SETD2: variants seen among roughly 807,000 people sequenced by gnomAD.
SETD2 encodes SET domain containing 2, histone lysine methyltransferase.
SETD2 carries 31 observed loss-of-function variants against 242.1 expected under a neutral mutation model. That is an observed-to-expected ratio of 0.13 (90% CI 0.10 to 0.17). The LOEUF (loss-of-function observed/expected upper bound fraction) is 0.17. Ranked by LOEUF, SETD2 falls within the 10% of genes least tolerant of loss-of-function variation. The pLI, the probability that SETD2 is intolerant of heterozygous loss-of-function variation, is 1.00. For synonymous variants in SETD2, 1,006 were observed against 1,066.5 expected (o/e 0.94, Z 1.11); for missense variants, 2,481 against 3,046.3 (o/e 0.81, Z 4.37).
rs182501809 is a variant in SETD2 at position 47,060,645 on chromosome 3, T to A, written c.6293+1518A>T. On this transcript the variant is annotated intron_variant, in intron 14 of 20. Transcript: ENST00000409792. Reference sequence around the variant, plus strand: ...AATTAATTGCAAATGGATTAAGGATTTAATTCTCTTAAAATACAAAAAAAA... The same window carrying A: ...AATTAATTGCAAATGGATTAAGGATATAATTCTCTTAAAATACAAAAAAAA... Among the ~76,000 whole-genome samples, 5 of 152,214 alleles carry A rather than the reference T, an allele frequency of 3.3e-5. No homozygotes were observed. In the East Asian group the frequency reaches 9.7e-4, roughly 29 times the overall value.
In SETD2 at chr3:47,070,586, T is replaced by C. The variant is rs144949707; in HGVS notation, c.6061-3468A>G. Among the ~76,000 whole-genome samples, 664 of 152,354 alleles carry C rather than the reference T, an allele frequency of 4.4e-3. 8 individuals carry two copies. Among genetic ancestry groups the C allele is most frequent in the African/African-American group, 0.015 (631 of 41,574 alleles). ...TAAGATCATTCTGTCTTGTGAATAA[T>C]AGTATTAGTCTCAGTGATACTTGAG... On this transcript the variant is annotated intron_variant, in intron 12 of 20. Transcript: ENST00000409792.
intron 5 of SETD2, among the ~76,000 whole-genome samples, chr3:47,107,259 A>C (rs1036021266): frequency 6.6e-6 from 1 of 152,170 alleles, no homozygotes; most frequent in Non-Finnish European, 1.5e-5. Context: ...TAATGAAAGA[A>C]ATTTTTTTAA....
At position 47,160,318 on chromosome 3, in the gene SETD2, T is replaced by C. The variant is rs34890594; in HGVS notation, c.71+3536A>G. On this transcript the variant is annotated intron_variant, in intron 1 of 20. Coordinates refer to ENST00000409792, the MANE Select transcript of SETD2 (RefSeq NM_014159.7). ...TTTATTTAATTTTATTATTTTTTTT[T>C]CGAGATGGAATCTCCTTCTGTCCCC... Among the ~76,000 whole-genome samples, 790 of 152,190 alleles carry C rather than the reference T, an allele frequency of 5.2e-3. 2 individuals are homozygous for C. Among genetic ancestry groups the C allele is most frequent in the Admixed American group, 9.0e-3 (137 of 15,284 alleles).
At chr3:47,142,195 G>C (rs2043746048) in intron 1 of SETD2, among the ~76,000 whole-genome samples, 1 of 152,102 alleles carries the variant, frequency 6.6e-6, no homozygotes, top group South Asian at 2.1e-4. Flanking sequence ...TTCTAATTAC[G>C]AACTTTGATC....
intron 1 of SETD2, among the ~76,000 whole-genome samples, chr3:47,160,036 C>A (rs997651039): frequency 6.6e-6 from 1 of 151,888 alleles, no homozygotes. Context: ...CACCTTCTTG[C>A]TCATTCCATT....
At chr3:47,117,291 A>C (rs2042900743) in intron 3 of SETD2, among the ~76,000 whole-genome samples, 1 of 151,764 alleles carries the variant, frequency 6.6e-6, no homozygotes, top group Admixed American at 6.6e-5. Flanking sequence ...CAAACAAAAA[A>C]AAAAACATGA....
At chr3:47,068,496 T>C (rs75823716) in intron 12 of SETD2, among the ~76,000 whole-genome samples, 1 of 26,834 alleles carries the variant, frequency 3.7e-5, no homozygotes, top group Non-Finnish European at 7.2e-5. Flanking sequence ...ACACTATCTT[T>C]TTTTTTTTTT....
chr3:47,028,987 T>A, intron 18 of SETD2: 1 of 217,948 alleles, frequency 4.6e-6, no homozygotes, highest in Non-Finnish European at 9.0e-6. Context: ...CATAGATTTG[T>A]TGTAGACTAG....
At chr3:47,035,366 G>A (rs1009834146) in intron 18 of SETD2, among the ~76,000 whole-genome samples, 2 of 152,174 alleles carry the variant, frequency 1.3e-5, no homozygotes, top group African/African-American at 4.8e-5. Flanking sequence ...AAAGGCAAAT[G>A]TTACTGATCA....
At chr3:47,157,410 A>G (rs568141903) in intron 1 of SETD2, 20 of 441,840 alleles carry the variant, frequency 4.5e-5, no homozygotes, top group African/African-American at 3.7e-4. Context: ...CTAAAAATAA[A>G]AAATTAATAT....
chr3:47,130,898 T>A (rs755128782), intron 1 of SETD2, among the ~76,000 whole-genome samples: 2 of 152,154 alleles, frequency 1.3e-5, no homozygotes, highest in Non-Finnish European at 2.9e-5. Context: ...TAAATCTCTA[T>A]TAGGTCACAT....
chr3:47,061,726 T>C (rs1189909047), intron 14 of SETD2, among the ~76,000 whole-genome samples: 2 of 152,202 alleles, frequency 1.3e-5, no homozygotes, highest in Non-Finnish European at 2.9e-5. Flanking sequence ...AACGATTACA[T>C]GGTTTGTTTT....
At chr3:47,029,524 T>C (rs772104518) in intron 18 of SETD2, among the ~76,000 whole-genome samples, 10 of 150,948 alleles carry the variant, frequency 6.6e-5, no homozygotes, top group Non-Finnish European at 5.9e-5. Flanking sequence ...AATATAAGTA[T>C]AGTGGTCTGC....
At chr3:47,141,287 C>T (rs2043722596) in intron 1 of SETD2, among the ~76,000 whole-genome samples, 1 of 152,080 alleles carries the variant, frequency 6.6e-6, no homozygotes, top group African/African-American at 2.4e-5. Context: ...GGATTACAAG[C>T]ATGAGCCACT....
intron 18 of SETD2, among the ~76,000 whole-genome samples, chr3:47,035,310 C>A (rs2038949914): frequency 6.6e-6 from 1 of 152,198 alleles, no homozygotes; most frequent in South Asian, 2.1e-4. Flanking sequence ...AAGGCGCCAG[C>A]TCCATGGTCA....
intron 1 of SETD2, among the ~76,000 whole-genome samples, chr3:47,142,129 GTGAC>G (rs1458150503): frequency 6.6e-6 from 1 of 152,162 alleles, no homozygotes. Flanking sequence ...GGTTGTAACA[GTGAC>G]TGAATAACCC....
chr3:47,098,404 A>G (rs1287913713), intron 8 of SETD2: 2 of 194,726 alleles, frequency 1.0e-5, no homozygotes, highest in African/African-American at 4.7e-5. Flanking sequence ...AATTGCTTAA[A>G]TAGTTCAGAG....
In SETD2 at chr3:47,113,962, C is replaced by T; in HGVS notation, c.4629G>A (p.Arg1543=). The change falls in exon 5 of 21, where the codon CGG becomes CGA. Residue 1543 remains arginine, a synonymous_variant. Coordinates refer to ENST00000409792, the MANE Select transcript of SETD2 (RefSeq NM_014159.7). ...CATCTGCATGCTGTTTTCTCTGAAACCGTCTATTGGAACAATAATCCCCAT... is the reference window on the plus strand; with the variant it reads ...CATCTGCATGCTGTTTTCTCTGAAATCGTCTATTGGAACAATAATCCCCAT... ...CPNGDYCSNR[R]FQRKQHADVE... 4 of 1,612,856 alleles carry T rather than the reference C, an allele frequency of 2.5e-6. No homozygotes were observed. The highest frequency in any genetic ancestry group is 2.2e-5 in the South Asian group (2 of 90,938).
chr3:47,112,881 T>C (rs1471329388), intron 5 of SETD2, among the ~76,000 whole-genome samples: 2 of 152,178 alleles, frequency 1.3e-5, no homozygotes, highest in African/African-American at 4.8e-5. Context: ...TGAGTCACCA[T>C]GCCCGGCCAA....
Sources: allele counts gnomAD v4.1 joint callset (sites outside exome capture counted in the v4.1 genomes callset), GRCh38; gene constraint gnomAD v4.1.1; transcripts MANE v1.5; gene names NCBI Gene and HGNC (gene_info 2026-07-23, HGNC 2026-07-21).